FAM3B: variants seen among roughly 807,000 people sequenced by gnomAD.
The protein encoded by FAM3B is FAM3 metabolism regulating signaling molecule B.
FAM3B carries 29 observed loss-of-function variants against 28.4 expected under a neutral mutation model. That is an observed-to-expected ratio of 1.02 (90% confidence interval 0.76 to 1.39). The LOEUF is 1.39. Among genes scored for constraint, FAM3B ranks in the 40% most tolerant of loss-of-function variants. The probability of loss-of-function intolerance (pLI) is 0.00; values close to 1 mark genes in which losing one functional copy is unlikely to be tolerated. For missense variants in FAM3B, 266 were observed against 293.9 expected (o/e 0.91, Z 0.69); for synonymous variants, 91 against 103.0 (o/e 0.88, Z 0.71).
chr21:41,328,888 C>T (rs1187236246), intron 2 of FAM3B, among the ~76,000 whole-genome samples: 1 of 152,178 alleles, frequency 6.6e-6, no homozygotes, highest in East Asian at 1.9e-4. Flanking sequence ...CCAAAAAAAC[C>T]CAGACCACGT....
chr21:41,347,749 C>CAAAAAA (rs60227162), intron 6 of FAM3B, among the ~76,000 whole-genome samples: 14 of 85,664 alleles, frequency 1.6e-4, no homozygotes, highest in African/African-American at 4.2e-4. Flanking sequence ...GAGACTGTCT[C>CAAAAAA]AAAAAAAAAA....
At chr21:41,317,830 C>T (rs1358091265) in intron 1 of FAM3B, among the ~76,000 whole-genome samples, 2 of 151,892 alleles carry the variant, frequency 1.3e-5, no homozygotes, top group African/African-American at 4.8e-5. Flanking sequence ...CTTTTCTGCA[C>T]CATTCCCAAA....
chr21:41,353,166 A>G (rs1300713946), intron 7 of FAM3B, among the ~76,000 whole-genome samples: 1 of 152,240 alleles, frequency 6.6e-6, no homozygotes. Flanking sequence ...GAAATTGAGG[A>G]CTTAAAAAAA....
chr21:41,348,284 A>G (rs2838018), intron 6 of FAM3B, among the ~76,000 whole-genome samples: 43,571 of 152,178 alleles, frequency 0.29, 8,101 homozygotes, highest in African/African-American at 0.53. Flanking sequence ...CGAAAATTGT[A>G]TTGGCTGAGT....
intron 7 of FAM3B, among the ~76,000 whole-genome samples, chr21:41,353,894 G>A (rs1431729589): frequency 1.3e-5 from 2 of 152,056 alleles, no homozygotes; most frequent in Admixed American, 6.5e-5. Context: ...TGCAAAGTAC[G>A]CATCTAACAA....
At chr21:41,340,301 A>C (rs1045080283) in intron 3 of FAM3B, among the ~76,000 whole-genome samples, 3 of 151,966 alleles carry the variant, frequency 2.0e-5, no homozygotes, top group African/African-American at 7.3e-5. Flanking sequence ...CTACAGGCGC[A>C]CACCACCATG....
intron 2 of FAM3B, among the ~76,000 whole-genome samples, chr21:41,331,976 G>A (rs1368982918): frequency 6.6e-6 from 1 of 152,146 alleles, no homozygotes; most frequent in Non-Finnish European, 1.5e-5. Context: ...ATTTCGTTTG[G>A]ATATTTGGCC....
Position 41,322,984 on chromosome 21 carries a change from G to T in FAM3B, c.81G>T (p.Leu27=). 1 of 1,612,020 alleles carries T rather than the reference G, an allele frequency of 6.2e-7. No individual in the cohort carries two copies. Among genetic ancestry groups the T allele is most frequent in the Non-Finnish European group, 8.5e-7 (1 of 1,180,032 alleles). ...ASLCAWYSGY[L]LAELIPDAPL... ...TGTGTGCCTGGTATTCGGGGTACCT[G>T]CTCGCAGAGCTCATTCCAGATGCAC... Residue 27 remains leucine (L), a synonymous_variant, in exon 2 of 8, where the codon CTG becomes CTT. Coordinates refer to ENST00000357985, the MANE Select transcript of FAM3B (RefSeq NM_058186.4).
intron 5 of FAM3B, 142 bp from the exon 6 acceptor site, chr21:41,346,871 T>C (rs990737318): frequency 2.7e-5 from 19 of 713,914 alleles, no homozygotes; most frequent in Admixed American, 4.1e-5. Flanking sequence ...TAGCACACCA[T>C]CTGCAGGGTT....
intron 1 of FAM3B, among the ~76,000 whole-genome samples, chr21:41,307,641 A>G (rs936196732): frequency 1.3e-5 from 2 of 152,194 alleles, no homozygotes; most frequent in Admixed American, 1.3e-4. Context: ...AATGTTATTA[A>G]TTGGTCTAAT....
Position 41,345,866 on chromosome 21 carries a change from T to C in FAM3B, c.397+130T>C, listed in dbSNP as rs540382152. ...AAACGCCAGCAGCTCTCCTGAGTAA[T>C]CTAGAGTGGTCTTATGTAGATCCTC... On this transcript the variant is annotated intron_variant, in intron 5 of 7. Transcript: ENST00000357985. The C allele has an allele frequency of 9.4e-5, 63 of 668,166 alleles. 1 individual carries two copies. In the South Asian group the frequency reaches 1.0e-3, roughly 11 times the overall value. The allele number at this position is 668,166 out of a possible 1,614,324, so 41.4% of individuals were successfully genotyped here. A position where few individuals can be genotyped will look rare whatever the true frequency, so the allele number is the denominator to read the frequency against.
chr21:41,355,495 G>A (rs1004407930), intron 7 of FAM3B, among the ~76,000 whole-genome samples: 6 of 152,038 alleles, frequency 3.9e-5, no homozygotes, highest in African/African-American at 7.2e-5. Context: ...ATTCAAATAC[G>A]TAAAGAAATA....
At chr21:41,328,596 G>T (rs1394049970) in intron 2 of FAM3B, among the ~76,000 whole-genome samples, 1 of 152,208 alleles carries the variant, frequency 6.6e-6, no homozygotes, top group Non-Finnish European at 1.5e-5. Context: ...ATCCGCCTTA[G>T]CCTTCCAAAG....
At chr21:41,307,599 A>T (rs541420154) in intron 1 of FAM3B, among the ~76,000 whole-genome samples, 2 of 152,344 alleles carry the variant, frequency 1.3e-5, no homozygotes, top group South Asian at 4.1e-4. Flanking sequence ...AATATGTGTG[A>T]CTGTTTCACT....
At position 41,326,013 on chromosome 21, in the gene FAM3B, T is replaced by C. The variant is rs932423948; in HGVS notation, c.163+2947T>C. ...ACTGCATCCTAGGGAATGGTGTTGCTGCTGGAGGCTTTCAGTCTTAAACAA... is the reference window on the plus strand; with the variant it reads ...ACTGCATCCTAGGGAATGGTGTTGCCGCTGGAGGCTTTCAGTCTTAAACAA... On this transcript the variant is annotated intron_variant, in intron 2 of 7. Coordinates refer to ENST00000357985, the MANE Select transcript of FAM3B (RefSeq NM_058186.4). The surrounding 1 kb of genome is among the most constrained non-coding windows in gnomAD (Gnocchi z 4.0). Among the ~76,000 whole-genome samples, 1 of 152,244 alleles carries C rather than the reference T, an allele frequency of 6.6e-6. No individual in the cohort carries two copies. Among genetic ancestry groups the C allele is most frequent in the African/African-American group, 2.4e-5 (1 of 41,472 alleles).
At chr21:41,346,039 CA>C (rs2089057060) in intron 5 of FAM3B, 1 of 259,002 alleles carries the variant, frequency 3.9e-6, no homozygotes, top group Non-Finnish European at 7.3e-6. Flanking sequence ...AAAAAAAAGC[CA>C]AATACATTAT....
intron 7 of FAM3B, among the ~76,000 whole-genome samples, chr21:41,352,820 T>TAAACAAACAAAC (rs150654301): frequency 6.7e-6 from 1 of 149,998 alleles, no homozygotes; most frequent in Non-Finnish European, 1.5e-5. Context: ...AATAAATAAA[T>TAAACAAACAAAC]AAATAAAGGA....
At chr21:41,333,713 A>G (rs1367403236) in intron 2 of FAM3B, among the ~76,000 whole-genome samples, 2 of 152,224 alleles carry the variant, frequency 1.3e-5, no homozygotes, top group Non-Finnish European at 2.9e-5. Context: ...GAGCATTGCT[A>G]TAAAGATATA....
chr21:41,350,330 A>G (rs1387538899), intron 7 of FAM3B, among the ~76,000 whole-genome samples: 1 of 152,174 alleles, frequency 6.6e-6, no homozygotes, highest in Non-Finnish European at 1.5e-5. Flanking sequence ...TGTCGTCTTG[A>G]GAATGTCCAG....
Sources: gnomAD v4.1 joint callset for allele counts (sites outside exome capture counted in the v4.1 genomes callset) on GRCh38, gnomAD v4.1.1 for gene constraint, Gnocchi (gnomAD v3.1) non-coding constraint, MANE v1.5 for transcripts, NCBI Gene and HGNC (gene_info 2026-07-23, HGNC 2026-07-21) for gene names.